The following GRIK2 variants were observed in gnomAD, a reference collection of about 807,000 sequenced individuals.
GRIK2 encodes the protein glutamate receptor ionotropic, kainate 2.
Under a neutral mutation model 100.3 loss-of-function variants are expected in GRIK2, and 32 were observed. The observed-to-expected ratio is 0.32, with a 90% CI of 0.24 to 0.43. The LOEUF is 0.43. Among genes scored for constraint, GRIK2 ranks in the 20% least tolerant of loss-of-function variants. GRIK2 has a pLI of 1.00. For missense variants in GRIK2, 843 were observed against 1,114.9 expected (o/e 0.76, Z 3.47); for synonymous variants, 417 against 389.4 (o/e 1.07, Z -0.83).
chr6:101,395,825 C>T (rs539106895), intron 1 of GRIK2, among the ~76,000 whole-genome samples: 5 of 151,836 alleles, frequency 3.3e-5, no homozygotes, highest in African/African-American at 1.2e-4. Context: ...TCTGGGTGTG[C>T]GTGTATGTGT....
chr6:101,785,965 A>T (rs559546718), intron 7 of GRIK2, among the ~76,000 whole-genome samples: 18 of 151,922 alleles, frequency 1.2e-4, no homozygotes, highest in Non-Finnish European at 2.2e-4. Flanking sequence ...TGGTCTTTTC[A>T]TCTGCCTGTG....
chr6:101,413,786 G>T (rs749007060), intron 2 of GRIK2, among the ~76,000 whole-genome samples: 13 of 151,986 alleles, frequency 8.6e-5, no homozygotes, highest in Non-Finnish European at 1.5e-4. Flanking sequence ...GATGATTATT[G>T]TCTAACATTT....
intron 4 of GRIK2, among the ~76,000 whole-genome samples, chr6:101,634,613 G>A (rs1020178506): frequency 6.6e-6 from 1 of 151,934 alleles, no homozygotes; most frequent in African/African-American, 2.4e-5. Flanking sequence ...TAAAAATAGG[G>A]TGATAGTACA....
chr6:101,493,260 A>C (rs927000593), intron 2 of GRIK2, among the ~76,000 whole-genome samples: 1 of 152,100 alleles, frequency 6.6e-6, no homozygotes, highest in Non-Finnish European at 1.5e-5. Flanking sequence ...AAAGGCGCAA[A>C]TTCTCAAATT....
chr6:101,547,544 C>T (rs937439230), intron 2 of GRIK2, among the ~76,000 whole-genome samples: 1 of 152,258 alleles, frequency 6.6e-6, no homozygotes, highest in South Asian at 2.1e-4. Flanking sequence ...TGTTCAATTT[C>T]CACCTATGAG....
At chr6:101,524,484 G>A (rs1775046641) in intron 2 of GRIK2, among the ~76,000 whole-genome samples, 1 of 152,020 alleles carries the variant, frequency 6.6e-6, no homozygotes, top group Admixed American at 6.6e-5. Context: ...CTATAGGTGT[G>A]TCTGACACAT....
chr6:101,894,649 C>G (rs968152115), intron 12 of GRIK2, among the ~76,000 whole-genome samples: 1 of 151,622 alleles, frequency 6.6e-6, no homozygotes, highest in Non-Finnish European at 1.5e-5. Flanking sequence ...TTAGGGCACC[C>G]ACCCCTTACA....
At chr6:101,973,493 A>G (rs1446062074) in intron 14 of GRIK2, among the ~76,000 whole-genome samples, 3 of 151,936 alleles carry the variant, frequency 2.0e-5, no homozygotes, top group Non-Finnish European at 4.4e-5. Context: ...GATTCTCACT[A>G]CCATAACCTT....
chr6:101,478,465 T>G (rs982267172), intron 2 of GRIK2, among the ~76,000 whole-genome samples: 1 of 151,346 alleles, frequency 6.6e-6, no homozygotes, highest in South Asian at 2.1e-4. Context: ...TAAGTTACAT[T>G]ATATACAAAG....
At chr6:101,473,311 T>C (rs1447743994) in intron 2 of GRIK2, among the ~76,000 whole-genome samples, 4 of 151,830 alleles carry the variant, frequency 2.6e-5, no homozygotes, top group Admixed American at 6.6e-5. Flanking sequence ...TATTTACTCA[T>C]TGCTTCTTTT....
chr6:101,660,369 C>T (rs1286542008), intron 4 of GRIK2, among the ~76,000 whole-genome samples: 1 of 152,086 alleles, frequency 6.6e-6, no homozygotes, highest in Non-Finnish European at 1.5e-5. Flanking sequence ...ATTAGCAATT[C>T]CTCTAACCTT....
chr6:101,911,270 G>A (rs1788668294), intron 12 of GRIK2, among the ~76,000 whole-genome samples: 1 of 151,506 alleles, frequency 6.6e-6, no homozygotes, highest in Non-Finnish European at 1.5e-5. Flanking sequence ...CCAGCAATAT[G>A]AGGTGCCTGT....
intron 10 of GRIK2, among the ~76,000 whole-genome samples, chr6:101,839,142 C>G (rs1343311189): frequency 6.6e-6 from 1 of 152,084 alleles, no homozygotes; most frequent in Non-Finnish European, 1.5e-5. Flanking sequence ...TTTGTGCCTA[C>G]AAACTTTTAG....
chr6:101,457,918 C>T (rs1771094179), intron 2 of GRIK2, among the ~76,000 whole-genome samples: 2 of 152,126 alleles, frequency 1.3e-5, no homozygotes, highest in African/African-American at 2.4e-5. Flanking sequence ...ACCATTAAAT[C>T]TTTCCATAAT....
chr6:101,553,106 G>T (rs1211845418), intron 2 of GRIK2, among the ~76,000 whole-genome samples: 1 of 152,116 alleles, frequency 6.6e-6, no homozygotes, highest in Non-Finnish European at 1.5e-5. Context: ...TCTTTAAGAA[G>T]CTCACATTTT....
At chr6:102,017,271 G>A (rs1582730585) in intron 14 of GRIK2, among the ~76,000 whole-genome samples, 2 of 152,092 alleles carry the variant, frequency 1.3e-5, no homozygotes, top group South Asian at 4.1e-4. Flanking sequence ...AGGAGATGGA[G>A]AGAGTGAAGG....
intron 9 of GRIK2, among the ~76,000 whole-genome samples, chr6:101,809,713 T>C (rs984087952): frequency 6.6e-6 from 1 of 152,026 alleles, no homozygotes; most frequent in Non-Finnish European, 1.5e-5. Context: ...TGATGTTTGC[T>C]TCTCTAAAAA....
chr6:101,486,961 A>G lies in GRIK2; in HGVS notation c.115+87569A>G, dbSNP rs574202354. ...GAAATCGGGAACTATGGACAGCACT[A>G]TTATCAGGCAATATTTGTCTTTAAC... On this transcript the variant is annotated intron_variant, in intron 2 of 16. Transcript: ENST00000369134. Among the ~76,000 whole-genome samples, 98 of 146,688 alleles carry G rather than the reference A, an allele frequency of 6.7e-4. 5 individuals are homozygous for G. Among genetic ancestry groups the G allele is most frequent in the Admixed American group, 5.4e-3 (79 of 14,746 alleles).
intron 2 of GRIK2, among the ~76,000 whole-genome samples, chr6:101,612,224 G>A (rs1186956769): frequency 6.6e-6 from 1 of 151,864 alleles, no homozygotes; most frequent in East Asian, 1.9e-4. Flanking sequence ...AGTGAAGCAG[G>A]TTCTTTGGAC....
Sources: allele counts gnomAD v4.1 joint callset (sites outside exome capture counted in the v4.1 genomes callset), GRCh38; gene constraint gnomAD v4.1.1; transcripts MANE v1.5; gene names NCBI Gene and HGNC (gene_info 2026-07-23, HGNC 2026-07-21).